Variants in HCN1 observed in about 807,000 individuals in gnomAD.
The protein encoded by HCN1 is potassium/sodium hyperpolarization-activated cyclic nucleotide-gated channel 1.
In HCN1, 13 loss-of-function variants were observed where a neutral mutation model predicts 78.9. That is an observed-to-expected ratio of 0.16 (90% CI 0.11 to 0.26). The LOEUF (loss-of-function observed/expected upper bound fraction) is 0.26. HCN1 is among the 10% of genes least tolerant of loss of function. HCN1 has a pLI of 1.00. For missense variants in HCN1, 810 were observed against 1,154.3 expected (o/e 0.70, Z 4.32); for synonymous variants, 552 against 455.5 (o/e 1.21, Z -2.70).
chr5:45,550,113 A>G (rs1485251476), intron 2 of HCN1, among the ~76,000 whole-genome samples: 1 of 152,126 alleles, frequency 6.6e-6, no homozygotes, highest in Non-Finnish European at 1.5e-5. Flanking sequence ...ATCTAGAACT[A>G]GAAATACCAT....
At chr5:45,349,894 C>A (rs1746849417) in intron 5 of HCN1, among the ~76,000 whole-genome samples, 2 of 152,080 alleles carry the variant, frequency 1.3e-5, no homozygotes, top group African/African-American at 4.8e-5. Flanking sequence ...AGCTTACCAA[C>A]CAAAAAGAGT....
chr5:45,549,052 A>G (rs1231613780), intron 2 of HCN1, among the ~76,000 whole-genome samples: 2 of 149,978 alleles, frequency 1.3e-5, no homozygotes, highest in South Asian at 2.2e-4. Context: ...AATCAATATC[A>G]TGAAAATGGC....
intron 2 of HCN1, among the ~76,000 whole-genome samples, chr5:45,475,760 G>A (rs1156844137): frequency 6.6e-6 from 1 of 152,030 alleles, no homozygotes; most frequent in African/African-American, 2.4e-5. Context: ...GTTAAGAGAA[G>A]ATAGTATTTT....
At position 45,264,159 on chromosome 5, in the gene HCN1, G is replaced by A. The variant is rs559270970; in HGVS notation, c.1784-1349C>T. ...TTTATGATCTTTCCTCTTCTGAATG[G>A]TTGTTGTGAGGACCAAGGGCATAGT... On this transcript the variant is annotated intron_variant, in intron 7 of 7. Transcript: ENST00000303230. Among the ~76,000 whole-genome samples the A allele has an allele frequency of 1.1e-3, 173 of 152,302 alleles. 2 individuals carry two copies. The highest frequency in any genetic ancestry group is 2.2e-3 in the Admixed American group (33 of 15,294).
chr5:45,582,012 T>C (rs1336560750), intron 2 of HCN1, among the ~76,000 whole-genome samples: 1 of 152,178 alleles, frequency 6.6e-6, no homozygotes, highest in African/African-American at 2.4e-5. Context: ...GGGCTCTTTT[T>C]TGGTTCCATA....
intron 2 of HCN1, among the ~76,000 whole-genome samples, chr5:45,607,630 TAG>T (rs1189181124): frequency 2.0e-5 from 3 of 149,860 alleles, no homozygotes; most frequent in Non-Finnish European, 1.5e-5. Flanking sequence ...TAGATATATC[TAG>T]AGAGAGAGAG....
chr5:45,261,796 A>G lies in HCN1; in HGVS notation c.*125T>C. On this transcript the variant is annotated 3_prime_UTR_variant, in exon 8 of 8. Coordinates refer to ENST00000303230, the MANE Select transcript of HCN1 (RefSeq NM_021072.4). ...TATTTTTACATTTCACGTGTAGGCC[A>G]CAGCTGTCTAAAATATCTCTTCATA... The G allele has an allele frequency of 8.5e-7, 1 of 1,169,962 alleles. No homozygotes were observed. The highest frequency in any genetic ancestry group is 1.5e-5 in the African/African-American group (1 of 66,440). 72.5% of individuals were successfully genotyped at this position (1,169,962 alleles called of 1,614,324 possible).
chr5:45,641,022 G>A lies in HCN1; in HGVS notation c.849+4163C>T, dbSNP rs143212131. Among the ~76,000 whole-genome samples, 12 of 152,272 alleles carry A rather than the reference G, an allele frequency of 7.9e-5. No individual in the cohort carries two copies. In the East Asian group the frequency reaches 1.9e-3, roughly 25 times the overall value. On this transcript the variant is annotated intron_variant, in intron 2 of 7. Transcript: ENST00000303230. ...CAATGGTGAGACCAGGGAACAATGTGCTGGAGAGACTTGAAGGCACAGCAA... is the reference window on the plus strand; with the variant it reads ...CAATGGTGAGACCAGGGAACAATGTACTGGAGAGACTTGAAGGCACAGCAA...
chr5:45,392,409 C>T (rs1252307653), intron 4 of HCN1, among the ~76,000 whole-genome samples: 1 of 152,002 alleles, frequency 6.6e-6, no homozygotes, highest in East Asian at 1.9e-4. Flanking sequence ...AGGTTTAGAA[C>T]ATTATTTTTT....
chr5:45,520,195 G>A (rs959573985), intron 2 of HCN1, among the ~76,000 whole-genome samples: 4 of 151,818 alleles, frequency 2.6e-5, no homozygotes, highest in African/African-American at 7.3e-5. Context: ...AATCTTTATT[G>A]AACATTATTT....
intron 5 of HCN1, among the ~76,000 whole-genome samples, chr5:45,329,190 C>G (rs1332835701): frequency 4.0e-5 from 6 of 151,332 alleles, no homozygotes; most frequent in Non-Finnish European, 7.4e-5. Flanking sequence ...TATGTAATAT[C>G]CTCACTATCT....
At chr5:45,402,523 T>C (rs773001866) in intron 3 of HCN1, among the ~76,000 whole-genome samples, 3 of 152,084 alleles carry the variant, frequency 2.0e-5, no homozygotes, top group Non-Finnish European at 2.9e-5. Context: ...TTAGCTGTGG[T>C]GAGGCTGAAA....
rs112834529 is a variant in HCN1, at chr5:45,694,476, T to A, written c.425+1193A>T. On this transcript the variant is annotated intron_variant, in intron 1 of 7. Coordinates refer to ENST00000303230, the MANE Select transcript of HCN1 (RefSeq NM_021072.4). ...ATTCAGAACTGTGGACAGCTCCCGT[T>A]AAGGCATGTAGTTGGTGACAATTTC... Among the ~76,000 whole-genome samples the A allele has an allele frequency of 9.4e-3, 1,429 of 152,328 alleles. 18 individuals are homozygous for A. Among genetic ancestry groups the A allele is most frequent in the African/African-American group, 0.033 (1,367 of 41,574 alleles).
Position 45,260,437 on chromosome 5 carries a change from G to T in HCN1, c.*1484C>A, listed in dbSNP as rs933291823. The T allele has an allele frequency of 6.6e-6, 1 of 152,138 alleles. No homozygotes were observed. Among genetic ancestry groups the T allele is most frequent in the Non-Finnish European group, 1.5e-5 (1 of 68,024 alleles). 9.4% of individuals were successfully genotyped at this position (152,138 alleles called of 1,614,324 possible). On this transcript the variant is annotated 3_prime_UTR_variant, in exon 8 of 8. Transcript: ENST00000303230. The stretch of plus-strand genomic sequence containing the variant: ...AAACAGACAGACAATGCTCATAGAC[G>T]TTCAACTTTACCCCTGCTTTCTGTC...
intron 2 of HCN1, among the ~76,000 whole-genome samples, chr5:45,595,864 T>G (rs1249307485): frequency 1.3e-5 from 2 of 151,894 alleles, no homozygotes; most frequent in African/African-American, 4.8e-5. Flanking sequence ...AACGAGTTTA[T>G]CAGAGTGTTA....
At chr5:45,577,643 C>A (rs189040120) in intron 2 of HCN1, among the ~76,000 whole-genome samples, 32 of 151,952 alleles carry the variant, frequency 2.1e-4, no homozygotes, top group African/African-American at 7.2e-4. Flanking sequence ...ATTAAAAAAT[C>A]TAGGTAGCAT....
chr5:45,435,019 A>T (rs1740535768), intron 3 of HCN1, among the ~76,000 whole-genome samples: 1 of 152,068 alleles, frequency 6.6e-6, no homozygotes, highest in Non-Finnish European at 1.5e-5. Context: ...AGAGGGCACA[A>T]AGTCAAAGCT....
At chr5:45,418,620 C>T (rs1740164185) in intron 3 of HCN1, among the ~76,000 whole-genome samples, 1 of 151,804 alleles carries the variant, frequency 6.6e-6, no homozygotes, top group Admixed American at 6.6e-5. Flanking sequence ...AGTGCATTTC[C>T]CATTAGAATC....
At chr5:45,674,905 C>T (rs1746234936) in intron 1 of HCN1, among the ~76,000 whole-genome samples, 2 of 150,356 alleles carry the variant, frequency 1.3e-5, no homozygotes, top group Non-Finnish European at 3.0e-5. Flanking sequence ...CATAACAAGA[C>T]AATATCTCTA....
Sources: allele counts gnomAD v4.1 joint callset (sites outside exome capture counted in the v4.1 genomes callset), GRCh38; gene constraint gnomAD v4.1.1; transcripts MANE v1.5; gene names NCBI Gene and HGNC (gene_info 2026-07-23, HGNC 2026-07-21).